The following PDE4D variants were observed in gnomAD, a reference collection of about 807,000 sequenced individuals.
The protein encoded by PDE4D is 3',5'-cyclic-AMP phosphodiesterase 4D.
Under a neutral mutation model 87.4 loss-of-function variants are expected in PDE4D, and 24 were observed. That is an observed-to-expected ratio of 0.27 (90% CI 0.20 to 0.39). The LOEUF is 0.39. PDE4D is among the 10% of genes least tolerant of loss of function. The pLI, the probability that PDE4D is intolerant of heterozygous loss-of-function variation, is 1.00. For synonymous variants in PDE4D, 384 were observed against 383.2 expected, an observed-to-expected ratio of 1.00 and a Z score of -0.02; for missense variants, 714 against 1,041.0, an observed-to-expected ratio of 0.69 and a Z score of 4.32.
intron 1 of PDE4D, among the ~76,000 whole-genome samples, chr5:59,400,812 GA>G (rs1386512304): frequency 1.3e-5 from 2 of 152,006 alleles, no homozygotes; most frequent in African/African-American, 4.8e-5. Flanking sequence ...AGATATGAGA[GA>G]AAATGCTAAT....
chr5:59,537,499 C>T (rs1815495796), intron 1 of PDE4D, among the ~76,000 whole-genome samples: 2 of 152,140 alleles, frequency 1.3e-5, no homozygotes, highest in Non-Finnish European at 2.9e-5. Flanking sequence ...GATGACTATC[C>T]TTGCTCTCTT....
intron 1 of PDE4D, among the ~76,000 whole-genome samples, chr5:60,256,770 A>G (rs1055934080): frequency 3.3e-5 from 5 of 151,980 alleles, no homozygotes; most frequent in African/African-American, 1.2e-4. Flanking sequence ...CGAAAGAAGT[A>G]AAGCCTCCAC....
chr5:60,294,157 G>A (rs1185570029), intron 1 of PDE4D, among the ~76,000 whole-genome samples: 1 of 152,076 alleles, frequency 6.6e-6, no homozygotes, highest in Admixed American at 6.6e-5. Flanking sequence ...CTTTGTGGTT[G>A]TAAATGCATT....
chr5:60,186,294 A>C (rs1289672683), intron 1 of PDE4D, among the ~76,000 whole-genome samples: 1 of 152,210 alleles, frequency 6.6e-6, no homozygotes, highest in Non-Finnish European at 1.5e-5. Flanking sequence ...ATAACTGTTA[A>C]GTAAGCAGTA....
intron 1 of PDE4D, among the ~76,000 whole-genome samples, chr5:59,723,908 C>T (rs1422406234): frequency 6.6e-6 from 1 of 152,062 alleles, no homozygotes. Flanking sequence ...AGATTAAAAT[C>T]CAGGTTATGG....
intron 2 of PDE4D, among the ~76,000 whole-genome samples, chr5:59,996,080 G>A (rs1015613135): frequency 2.0e-5 from 3 of 152,132 alleles, no homozygotes; most frequent in Admixed American, 1.3e-4. Context: ...AACTGGTTGG[G>A]TCTCTCCCCA....
Position 60,248,287 on chromosome 5 carries a change from G to A in PDE4D, c.-89-62600C>T, listed in dbSNP as rs543656976. 9.2e-5 allele frequency among the ~76,000 whole-genome samples: 14 copies of A among 152,142 alleles called. No homozygotes were observed. In the South Asian group the frequency reaches 2.7e-3, roughly 29 times the overall value. ...GGTGGAAAGGCCCTGAGGAGGGATG[G>A]CATATAAAAGAGCAGCAAGGAAACA... On this transcript the variant is annotated intron_variant, in intron 1 of 16. Coordinates refer to the PDE4D transcript ENST00000502484.
intron 1 of PDE4D, among the ~76,000 whole-genome samples, chr5:59,361,552 A>C (rs1782226912): frequency 6.6e-6 from 1 of 152,176 alleles, no homozygotes; most frequent in Non-Finnish European, 1.5e-5. Flanking sequence ...ATATAGGATT[A>C]CATCTTGAAA....
chr5:59,102,375 C>T (rs1463151008), intron 5 of PDE4D, among the ~76,000 whole-genome samples: 1 of 152,078 alleles, frequency 6.6e-6, no homozygotes, highest in African/African-American at 2.4e-5. Context: ...CATGAGCCAT[C>T]GCGCCTGGCC....
Position 59,893,359 on chromosome 5 carries a change from G to T in PDE4D, c.264C>A (p.Pro88=), listed in dbSNP as rs1751253318. ...PPPLPPPPPP[P]GAARGRYASS... ...AGGCGTAGCGGCCGCGGGCAGCCCCGGGCGGCGGCGGGGGCGGCGGCAGGG... is the reference window on the plus strand; with the variant it reads ...AGGCGTAGCGGCCGCGGGCAGCCCCTGGCGGCGGCGGGGGCGGCGGCAGGG... Residue 88 remains proline, a synonymous_variant, in exon 1 of 15, where the codon CCC becomes CCA. Coordinates refer to ENST00000340635, the MANE Select transcript of PDE4D (RefSeq NM_001104631.2). 8.0e-7 allele frequency: 1 copy of T among 1,256,536 alleles called. No homozygotes were observed. Among genetic ancestry groups the T allele is most frequent in the East Asian group, 3.3e-5 (1 of 30,026 alleles). 77.8% of individuals were successfully genotyped at this position (1,256,536 alleles called of 1,614,324 possible).
At chr5:59,404,703 TG>T (rs1791317351) in intron 1 of PDE4D, among the ~76,000 whole-genome samples, 1 of 151,782 alleles carries the variant, frequency 6.6e-6, no homozygotes, top group South Asian at 2.1e-4. Context: ...GCCAATGTCC[TG>T]GAGAGTTTCC....
At chr5:59,866,813 G>A (rs1306968291) in intron 1 of PDE4D, among the ~76,000 whole-genome samples, 2 of 152,138 alleles carry the variant, frequency 1.3e-5, no homozygotes. Flanking sequence ...AAGTTGTCAC[G>A]ATCTGCCTAA....
intron 2 of PDE4D, among the ~76,000 whole-genome samples, chr5:60,028,636 T>C (rs1247146671): frequency 6.6e-6 from 1 of 151,432 alleles, no homozygotes; most frequent in Non-Finnish European, 1.5e-5. Context: ...GAAATGCCCC[T>C]GATCCATATT....
At chr5:60,247,097 T>C (rs4604150) in intron 1 of PDE4D, among the ~76,000 whole-genome samples, 61,429 of 151,764 alleles carry the variant, frequency 0.4, 12,815 homozygotes, top group African/African-American at 0.47. Flanking sequence ...CTGATGATTT[T>C]TTTTCAGTCC....
intron 1 of PDE4D, among the ~76,000 whole-genome samples, chr5:59,739,044 T>C (rs1447607326): frequency 2.6e-5 from 4 of 152,158 alleles, no homozygotes; most frequent in Non-Finnish European, 5.9e-5. Flanking sequence ...GTGATTCTTT[T>C]GTCTATAGTT....
chr5:59,591,260 T>C (rs550952301), intron 1 of PDE4D, among the ~76,000 whole-genome samples: 1 of 152,308 alleles, frequency 6.6e-6, no homozygotes, highest in Admixed American at 6.5e-5. Flanking sequence ...TTTCATCCTC[T>C]TAAAATGCCT....
intron 1 of PDE4D, among the ~76,000 whole-genome samples, chr5:59,239,359 T>C (rs1013304080): frequency 5.9e-5 from 9 of 152,154 alleles, no homozygotes; most frequent in Non-Finnish European, 1.2e-4. Flanking sequence ...GCCTCTGAAT[T>C]CCTGGACAGA....
intron 2 of PDE4D, among the ~76,000 whole-genome samples, chr5:59,205,653 AACACACACACACACACACAC>A (rs35509503): frequency 5.1e-5 from 7 of 136,408 alleles, no homozygotes; most frequent in East Asian, 4.3e-4. Flanking sequence ...CCACTAGCTA[AACACACACACACACACACAC>A]ACACACACAC....
intron 1 of PDE4D, among the ~76,000 whole-genome samples, chr5:60,360,832 T>A (rs1047877388): frequency 6.6e-6 from 1 of 152,216 alleles, no homozygotes; most frequent in Non-Finnish European, 1.5e-5. Flanking sequence ...AGGAGACCAC[T>A]GTTAGAGAAT....
Sources: allele counts gnomAD v4.1 joint callset (sites outside exome capture counted in the v4.1 genomes callset), GRCh38; gene constraint gnomAD v4.1.1; transcripts MANE v1.5; gene names NCBI Gene and HGNC (gene_info 2026-07-23, HGNC 2026-07-21).